The following GRIK1 variants were observed in gnomAD, a reference collection of about 807,000 sequenced individuals.
GRIK1 encodes glutamate ionotropic receptor kainate type subunit 1.
GRIK1 carries 69 observed loss-of-function variants against 105.7 expected under a neutral mutation model. The observed-to-expected ratio is 0.65, with a 90% CI of 0.54 to 0.80. The LOEUF (loss-of-function observed/expected upper bound fraction) is 0.80, where lower values mean the gene tolerates loss of function less well. Among genes scored for constraint, GRIK1 ranks in the 30% least tolerant of loss-of-function variants. GRIK1 has a pLI of 0.00. For synonymous variants in GRIK1, 438 were observed against 431.3 expected, an observed-to-expected ratio of 1.02 and a Z score of -0.19; for missense variants, 1,109 against 1,167.3, an observed-to-expected ratio of 0.95 and a Z score of 0.73.
chr21:29,914,187 A>G (rs1193682470), intron 1 of GRIK1, among the ~76,000 whole-genome samples: 1 of 152,044 alleles, frequency 6.6e-6, no homozygotes, highest in Non-Finnish European at 1.5e-5. Context: ...AAAAAATGCC[A>G]CCACACATTG....
At chr21:29,926,775 A>C (rs898970060) in intron 1 of GRIK1, among the ~76,000 whole-genome samples, 1 of 152,134 alleles carries the variant, frequency 6.6e-6, no homozygotes, top group Non-Finnish European at 1.5e-5. Flanking sequence ...TTCCAAGAAG[A>C]GTATACTGTT....
At chr21:29,786,553 T>C (rs957366125) in intron 1 of GRIK1, among the ~76,000 whole-genome samples, 3 of 152,244 alleles carry the variant, frequency 2.0e-5, no homozygotes, top group African/African-American at 7.2e-5. Flanking sequence ...ATCATCCCTA[T>C]ATCCTTCTTG....
intron 1 of GRIK1, among the ~76,000 whole-genome samples, chr21:29,893,829 A>C (rs1784130288): frequency 6.6e-6 from 1 of 152,180 alleles, no homozygotes; most frequent in Non-Finnish European, 1.5e-5. Flanking sequence ...CCTAGAGCTC[A>C]AAGAGGCCTG....
chr21:29,908,708 A>G (rs1276814387), intron 1 of GRIK1, among the ~76,000 whole-genome samples: 2 of 152,208 alleles, frequency 1.3e-5, no homozygotes, highest in Non-Finnish European at 2.9e-5. Flanking sequence ...TTACAAGTAA[A>G]CAGGTAACCA....
intron 16 of GRIK1, among the ~76,000 whole-genome samples, chr21:29,554,702 T>C (rs1437556200): frequency 6.6e-6 from 1 of 152,236 alleles, no homozygotes; most frequent in Non-Finnish European, 1.5e-5. Context: ...TATCTTTTTA[T>C]ATCTTTTCCA....
At chr21:29,777,105 C>T (rs896140865) in intron 1 of GRIK1, among the ~76,000 whole-genome samples, 10 of 152,088 alleles carry the variant, frequency 6.6e-5, no homozygotes, top group African/African-American at 2.4e-4. Flanking sequence ...AATTCTCAGG[C>T]CCCACCCTAG....
chr21:29,695,221 T>C lies in GRIK1; in HGVS notation c.119-1158A>G, dbSNP rs560011999. On this transcript the variant is annotated intron_variant, in intron 1 of 17. Transcript: ENST00000327783. ...TGTTTGACAGAAACAATGTAAGTGTTGTTAACTGTACAGTTCTTAGATGTT... is the reference window on the plus strand; with the variant it reads ...TGTTTGACAGAAACAATGTAAGTGTCGTTAACTGTACAGTTCTTAGATGTT... Among the ~76,000 whole-genome samples, 3 of 152,296 alleles carry C rather than the reference T, an allele frequency of 2.0e-5. No homozygotes were observed. The East Asian group carries it at 5.8e-4, about 29-fold the overall frequency.
At chr21:29,675,371 A>AT (rs148045010) in intron 3 of GRIK1, among the ~76,000 whole-genome samples, 5,389 of 148,574 alleles carry the variant, frequency 0.036, 152 homozygotes, top group Admixed American at 0.1. Context: ...AATCACATAG[A>AT]TTTTTTTTTT....
chr21:29,938,153 T>C (rs1319245278), intron 1 of GRIK1, among the ~76,000 whole-genome samples: 1 of 152,232 alleles, frequency 6.6e-6, no homozygotes, highest in Non-Finnish European at 1.5e-5. Context: ...AGGTCAGAGC[T>C]AGTATAGTAA....
intron 1 of GRIK1, among the ~76,000 whole-genome samples, chr21:29,907,540 G>A (rs2070686702): frequency 6.6e-6 from 1 of 152,068 alleles, no homozygotes; most frequent in Admixed American, 6.6e-5. Context: ...ATTGTAAAGA[G>A]AAATGATTGA....
At chr21:29,754,004 A>G (rs999389351) in intron 1 of GRIK1, among the ~76,000 whole-genome samples, 1 of 152,160 alleles carries the variant, frequency 6.6e-6, no homozygotes, top group African/African-American at 2.4e-5. Flanking sequence ...AAAGTTAGGT[A>G]TCCTTTACTA....
In GRIK1 at chr21:29,732,651, T is replaced by A. The variant is rs2064665182; in HGVS notation, c.119-38588A>T. 2.0e-5 allele frequency among the ~76,000 whole-genome samples: 3 copies of A among 152,288 alleles called. No individual in the cohort carries two copies. The South Asian group carries it at 6.2e-4, about 32-fold the overall frequency. ...TTACCCCACGGATATCAATGATATA[T>A]TTAAATAAGGAAAAAAGTTCTCAGA... On this transcript the variant is annotated intron_variant, in intron 1 of 17. Coordinates refer to ENST00000327783, the MANE Select transcript of GRIK1 (RefSeq NM_001330994.2).
At chr21:29,857,201 C>G (rs943446776) in intron 1 of GRIK1, among the ~76,000 whole-genome samples, 5 of 152,136 alleles carry the variant, frequency 3.3e-5, no homozygotes, top group Non-Finnish European at 5.9e-5. Flanking sequence ...AATGCGAAAG[C>G]TATCATGGTA....
intron 9 of GRIK1, among the ~76,000 whole-genome samples, 194 bp from the exon 10 acceptor site, chr21:29,591,419 G>A (rs959191873): frequency 1.0e-4 from 15 of 150,544 alleles, no homozygotes; most frequent in African/African-American, 3.5e-4. Context: ...GGATATATCT[G>A]TGCTATTGGG....
chr21:29,767,132 T>C (rs1387106266), intron 1 of GRIK1, among the ~76,000 whole-genome samples: 1 of 152,146 alleles, frequency 6.6e-6, no homozygotes, highest in African/African-American at 2.4e-5. Flanking sequence ...GGTAGAATGG[T>C]GCCCATGGAA....
intron 1 of GRIK1, among the ~76,000 whole-genome samples, chr21:29,738,140 A>T: frequency 6.6e-6 from 1 of 152,264 alleles, no homozygotes; most frequent in East Asian, 1.9e-4. Context: ...TGCACTGGGC[A>T]GACAGAGAGG....
intron 1 of GRIK1, among the ~76,000 whole-genome samples, chr21:29,910,764 T>C (rs1177527868): frequency 3.2e-5 from 3 of 92,466 alleles, no homozygotes; most frequent in African/African-American, 1.3e-4. Context: ...GTTTTTCATA[T>C]GCTTGTAGTA....
chr21:29,708,205 G>T lies in GRIK1; in HGVS notation c.119-14142C>A, dbSNP rs115943325. Among the ~76,000 whole-genome samples, 1,104 of 152,234 alleles carry T rather than the reference G, an allele frequency of 7.3e-3. 16 individuals are homozygous for T. The highest frequency in any genetic ancestry group is 0.025 in the African/African-American group (1,059 of 41,530). ...TAGAAAATATTTATTATTGCTTCAA[G>T]TTGCATCCGTTTGATTACTGAGTAG... On this transcript the variant is annotated intron_variant, in intron 1 of 17. Transcript: ENST00000327783.
chr21:29,863,513 T>C (rs755560639), intron 1 of GRIK1, among the ~76,000 whole-genome samples: 1 of 152,216 alleles, frequency 6.6e-6, no homozygotes, highest in Non-Finnish European at 1.5e-5. Flanking sequence ...AATATTTCAT[T>C]TGGCATTTAG....
Sources: gnomAD v4.1 joint callset for allele counts (sites outside exome capture counted in the v4.1 genomes callset) on GRCh38, gnomAD v4.1.1 for gene constraint, MANE v1.5 for transcripts, NCBI Gene and HGNC (gene_info 2026-07-23, HGNC 2026-07-21) for gene names.